STRN3: variants seen among roughly 807,000 people sequenced by gnomAD.
The protein encoded by STRN3 is striatin-3.
STRN3 carries 29 observed loss-of-function variants against 95.6 expected under a neutral mutation model. That is an observed-to-expected ratio of 0.30 (90% CI 0.23 to 0.41). The LOEUF is 0.41. Ranked by LOEUF, STRN3 falls within the 10% of genes least tolerant of loss-of-function variation. The pLI, the probability that STRN3 is intolerant of heterozygous loss-of-function variation, is 1.00. For synonymous variants in STRN3, 331 were observed against 357.6 expected (o/e 0.93, Z 0.84); for missense variants, 890 against 972.1 (o/e 0.92, Z 1.12).
intron 1 of STRN3, among the ~76,000 whole-genome samples, chr14:30,981,721 A>C (rs988463036): frequency 1.3e-5 from 2 of 152,198 alleles, no homozygotes. Context: ...GTCTTTTCAA[A>C]GAGGATGGAT....
intron 1 of STRN3, among the ~76,000 whole-genome samples, chr14:30,970,013 A>G (rs1202816603): frequency 6.6e-6 from 1 of 152,202 alleles, no homozygotes; most frequent in Non-Finnish European, 1.5e-5. Flanking sequence ...CATGGACCAC[A>G]GTCCCAGGGG....
rs55732490 is a variant in STRN3 at position 30,904,501 on chromosome 14, G to A, written c.2029+917C>T. Among the ~76,000 whole-genome samples the A allele has an allele frequency of 3.8e-3, 577 of 152,204 alleles. 2 individuals carry two copies. Among genetic ancestry groups the A allele is most frequent in the African/African-American group, 0.013 (542 of 41,512 alleles). ...ATTATTTTAAAAACTGGTAAATAAA[G>A]GGGAAAACCAAAACCCAATCATTTA... On this transcript the variant is annotated intron_variant, in intron 15 of 17. Transcript: ENST00000357479.
At position 30,902,613 on chromosome 14, in the gene STRN3, A is replaced by G; in HGVS notation, c.2060T>C (p.Val687Ala). Residue 687 changes from valine to alanine, a missense_variant, in exon 16 of 18, where the codon GTA becomes GCA. Val to Ala is a moderately conservative substitution (Grantham distance 64). Around this residue, in one of 3 missense-constraint regions of STRN3, gnomAD observed 357 missense variants for 422.8 expected, o/e 0.84. Coordinates refer to ENST00000357479, the MANE Select transcript of STRN3 (RefSeq NM_001083893.2). ...GLQSNNHINRVVSHPTLPVTI... is the reference protein window; with the variant it reads ...GLQSNNHINRAVSHPTLPVTI... ...AACAGGAAGTGTGGGATGACTTACT[A>G]CTCTGTTGATATGATTATTAGATTG... 1.2e-6 allele frequency: 2 copies of G among 1,605,576 alleles called. No individual in the cohort carries two copies. The highest frequency in any genetic ancestry group is 1.7e-6 in the Non-Finnish European group (2 of 1,176,428).
chr14:31,003,755 C>T (rs1882580518), intron 1 of STRN3, among the ~76,000 whole-genome samples: 1 of 88,186 alleles, frequency 1.1e-5, no homozygotes, highest in Non-Finnish European at 2.3e-5. Context: ...CTTATAGCAA[C>T]ACAAAATAAA....
At chr14:30,933,295 A>AAC (rs1555317731) in intron 7 of STRN3, among the ~76,000 whole-genome samples, 23 of 150,478 alleles carry the variant, frequency 1.5e-4, no homozygotes, top group South Asian at 1.3e-3. Context: ...AAAAAAAAAA[A>AAC]AAAAAAAAAA....
At chr14:31,018,034 C>T (rs937423685) in intron 1 of STRN3, among the ~76,000 whole-genome samples, 3 of 149,446 alleles carry the variant, frequency 2.0e-5, no homozygotes, top group African/African-American at 4.9e-5. Context: ...GCCGGGATTG[C>T]GCCCACTGCA....
rs1878357136 is a variant in STRN3, at chr14:30,929,272, A to G, written c.1028T>C (p.Val343Ala). 2.5e-6 allele frequency: 4 copies of G among 1,613,662 alleles called. No individual in the cohort carries two copies. Among genetic ancestry groups the G allele is most frequent in the Non-Finnish European group, 3.4e-6 (4 of 1,179,744 alleles). Reference protein sequence around the residue: ...DLSPTAEVWDVDQGLISKLKE... With the variant: ...DLSPTAEVWDADQGLISKLKE... ...CAGTTTACTTATTAGTCCCTGGTCT[A>G]CATCCCAAACCTCAGCAGTTGGGGA... is the stretch of plus-strand genomic sequence containing the variant. The change falls in exon 8 of 18, where the codon GTA becomes GCA. Residue 343 changes from valine (V) to alanine (A), a missense_variant. Val to Ala is a moderately conservative substitution (Grantham distance 64). Around this residue, in one of 3 missense-constraint regions of STRN3, gnomAD observed 526 missense variants for 526.3 expected, o/e 1.00. Transcript: ENST00000357479.
intron 1 of STRN3, among the ~76,000 whole-genome samples, chr14:30,975,832 TC>T (rs1206329293): frequency 1.9e-4 from 14 of 72,760 alleles, no homozygotes; most frequent in African/African-American, 5.7e-4. Flanking sequence ...AGACCCTGGC[TC>T]TTTAAAAAAA....
chr14:31,011,405 G>A (rs956906818), intron 1 of STRN3, among the ~76,000 whole-genome samples: 7 of 152,158 alleles, frequency 4.6e-5, no homozygotes, highest in African/African-American at 1.7e-4. Flanking sequence ...AGTTTGGGAG[G>A]CCGAGGCGGG....
chr14:30,942,408 A>G (rs1879137864), intron 5 of STRN3, among the ~76,000 whole-genome samples: 1 of 152,204 alleles, frequency 6.6e-6, no homozygotes, highest in Non-Finnish European at 1.5e-5. Flanking sequence ...AGACAACAGA[A>G]TCTTAAAAAT....
At chr14:30,930,834 C>A (rs1878494279) in intron 7 of STRN3, among the ~76,000 whole-genome samples, 1 of 152,050 alleles carries the variant, frequency 6.6e-6, no homozygotes. Context: ...TAATCATTTG[C>A]ACTCATCTTA....
chr14:30,940,684 A>G (rs1879050817), intron 5 of STRN3, among the ~76,000 whole-genome samples: 1 of 152,202 alleles, frequency 6.6e-6, no homozygotes, highest in African/African-American at 2.4e-5. Flanking sequence ...CAATCTGGAA[A>G]CAAACATCCC....
chr14:30,979,984 C>G (rs61976799), intron 1 of STRN3, among the ~76,000 whole-genome samples: 23,605 of 105,692 alleles, frequency 0.22, 2,062 homozygotes, highest in South Asian at 0.4. Context: ...TGCGGTGGCT[C>G]ACGCCTGTAA....
intron 1 of STRN3, among the ~76,000 whole-genome samples, chr14:31,019,900 T>TC (rs748714105): frequency 9.2e-4 from 140 of 151,458 alleles, no homozygotes; most frequent in East Asian, 1.9e-3. Flanking sequence ...TTTTTTTTTT[T>TC]CTTTTTTAGA....
chr14:30,902,804 T>TA (rs1794749743), intron 15 of STRN3, among the ~76,000 whole-genome samples, 161 bp from the exon 16 acceptor site: 1 of 152,150 alleles, frequency 6.6e-6, no homozygotes, highest in African/African-American at 2.4e-5. Context: ...GAGAGATTTT[T>TA]AAAAAATAAA....
At chr14:30,975,223 A>G (rs376332134) in intron 1 of STRN3, among the ~76,000 whole-genome samples, 3 of 151,590 alleles carry the variant, frequency 2.0e-5, no homozygotes, top group South Asian at 2.1e-4. Flanking sequence ...CTACTCAGCC[A>G]TAAGAAGGAA....
At chr14:30,948,743 G>A (rs905320717) in intron 4 of STRN3, among the ~76,000 whole-genome samples, 1 of 152,222 alleles carries the variant, frequency 6.6e-6, no homozygotes, top group African/African-American at 2.4e-5. Flanking sequence ...AAGTTACAGG[G>A]AAAGATAAAG....
chr14:30,965,768 C>CAA (rs57644568), intron 1 of STRN3, among the ~76,000 whole-genome samples: 17 of 103,736 alleles, frequency 1.6e-4, no homozygotes, highest in Admixed American at 3.1e-4. Context: ...AACTCCATCT[C>CAA]AAAAAAAAAA....
intron 8 of STRN3, among the ~76,000 whole-genome samples, chr14:30,922,317 C>G (rs1359911449): frequency 6.6e-6 from 1 of 152,148 alleles, no homozygotes; most frequent in East Asian, 1.9e-4. Flanking sequence ...CATGAGCCAC[C>G]ATGCCCAGCT....
Sources: gnomAD v4.1 joint callset for allele counts (sites outside exome capture counted in the v4.1 genomes callset) on GRCh38, gnomAD v4.1.1 for gene constraint, gnomAD v4.1.1 regional missense constraint, MANE v1.5 for transcripts, NCBI Gene and HGNC (gene_info 2026-07-23, HGNC 2026-07-21) for gene names.